Variants in DMD observed in about 807,000 individuals in gnomAD.
DMD encodes mutant dystrophin.
In DMD, 63 loss-of-function variants were observed where a neutral mutation model predicts 330.1. The observed-to-expected ratio is 0.19, with a 90% CI of 0.16 to 0.24. DMD has a LOEUF of 0.24. Among genes scored for constraint, DMD ranks in the 10% least tolerant of loss-of-function variants. The probability of loss-of-function intolerance (pLI) is 1.00; values close to 1 mark genes in which losing one functional copy is unlikely to be tolerated. For missense variants in DMD, 3,344 were observed against 2,684.1 expected, an observed-to-expected ratio of 1.25 and a Z score of -5.43; for synonymous variants, 1,223 against 959.8, an observed-to-expected ratio of 1.27 and a Z score of -5.07.
chrX:31,526,537 A>T (rs2073250334), intron 55 of DMD, among the ~76,000 whole-genome samples: 1 of 111,900 alleles, frequency 8.9e-6, no homozygotes, highest in African/African-American at 3.3e-5. Context: ...TGATAGCATG[A>T]CTTTGGGTTA....
chrX:32,976,694 T>A (rs5928128), intron 2 of DMD, among the ~76,000 whole-genome samples: 38,609 of 110,394 alleles, frequency 0.35, 4,931 homozygotes, highest in Non-Finnish European at 0.39. Flanking sequence ...AGCTGTCTAC[T>A]TCTGTGGTTT....
intron 1 of DMD, among the ~76,000 whole-genome samples, chrX:33,161,258 G>A (rs1010410299): frequency 2.7e-5 from 3 of 111,400 alleles, no homozygotes; most frequent in Admixed American, 9.6e-5. Flanking sequence ...ACAAATGGCG[G>A]CTGCTCTTTG....
At chrX:32,514,895 G>T (rs1399678470) in intron 18 of DMD, among the ~76,000 whole-genome samples, 1 of 112,139 alleles carries the variant, frequency 8.9e-6, no homozygotes, top group Non-Finnish European at 1.9e-5. Context: ...AAATAACTAA[G>T]AATGAAAGAA....
intron 43 of DMD, among the ~76,000 whole-genome samples, chrX:32,273,458 T>A (rs1357653969): frequency 9.2e-6 from 1 of 108,158 alleles, no homozygotes; most frequent in Non-Finnish European, 1.9e-5. Context: ...ACGCTCTTTT[T>A]AAATATACAT....
intron 44 of DMD, among the ~76,000 whole-genome samples, chrX:31,994,958 A>G (rs2095574794): frequency 8.9e-6 from 1 of 112,022 alleles, no homozygotes; most frequent in Non-Finnish European, 1.9e-5. Context: ...TGAAGAATTC[A>G]AAGGGGTCAT....
intron 19 of DMD, among the ~76,000 whole-genome samples, chrX:32,493,317 G>A (rs766822725): frequency 2.7e-4 from 30 of 111,860 alleles, no homozygotes; most frequent in African/African-American, 9.7e-4. Flanking sequence ...CAGGATGGCG[G>A]TGAAGGAGAC....
intron 41 of DMD, among the ~76,000 whole-genome samples, chrX:32,335,998 A>ATGTG (rs1426421659): frequency 5.3e-5 from 2 of 37,843 alleles, no homozygotes; most frequent in Non-Finnish European, 1.2e-4. Context: ...TAACGTGTAT[A>ATGTG]TATAACGTTA....
At chrX:32,032,843 G>A (rs2095896373) in intron 44 of DMD, among the ~76,000 whole-genome samples, 1 of 111,758 alleles carries the variant, frequency 8.9e-6, no homozygotes. Flanking sequence ...TTTGCATGAG[G>A]TGAGTGGGAA....
At chrX:33,209,568 G>A (rs771398191) in intron 1 of DMD, among the ~76,000 whole-genome samples, 42 of 111,274 alleles carry the variant, frequency 3.8e-4, no homozygotes, top group Non-Finnish European at 7.2e-4. Context: ...ATCAAACTAC[G>A]GCAAATTTAC....
In DMD at chrX:31,483,540, G is replaced by A. The variant is rs181776475; in HGVS notation, c.8548-4437C>T. On this transcript the variant is annotated intron_variant, in intron 57 of 78. Transcript: ENST00000357033. ...TTGCCAAGGACTTAGATCCACCACA[G>A]CTGCACAGTTCATTTCTTAAATATG... 9.8e-5 allele frequency among the ~76,000 whole-genome samples: 11 copies of A among 112,245 alleles called. No individual in the cohort carries two copies. The East Asian group carries it at 2.8e-3, about 29-fold the overall frequency.
chrX:33,294,000 T>C (rs953108376), intron 1 of DMD, among the ~76,000 whole-genome samples: 1 of 111,217 alleles, frequency 9.0e-6, no homozygotes, highest in Non-Finnish European at 1.9e-5. Flanking sequence ...CCAGACGTGG[T>C]GATAAGCCAC....
At chrX:31,915,492 G>A (rs7879040) in intron 47 of DMD, among the ~76,000 whole-genome samples, 33,488 of 110,507 alleles carry the variant, frequency 0.3, 5,065 homozygotes, top group African/African-American at 0.59. Context: ...CAATGAGAAC[G>A]GCTGCATTTG....
intron 43 of DMD, among the ~76,000 whole-genome samples, chrX:32,258,896 A>G (rs1228898827): frequency 2.7e-5 from 3 of 111,649 alleles, no homozygotes; most frequent in Non-Finnish European, 5.6e-5. Context: ...GCACAACTTA[A>G]ATAGAAAAAT....
At chrX:32,371,833 G>C (rs912739754) in intron 34 of DMD, among the ~76,000 whole-genome samples, 11 of 111,554 alleles carry the variant, frequency 9.9e-5, no homozygotes, top group Non-Finnish European at 1.9e-4. Flanking sequence ...AGTGGGGACA[G>C]ACTACAGACT....
chrX:33,036,726 A>G (rs1462807163), intron 1 of DMD, among the ~76,000 whole-genome samples: 1 of 111,553 alleles, frequency 9.0e-6, no homozygotes, highest in Admixed American at 9.6e-5. Context: ...GAATACATTA[A>G]ATAGAAATGT....
At chrX:33,113,293 G>A (rs1603299048) in intron 1 of DMD, among the ~76,000 whole-genome samples, 1 of 110,489 alleles carries the variant, frequency 9.1e-6, no homozygotes. Flanking sequence ...CTGACCTCAG[G>A]TGATCCGCAC....
At chrX:32,211,589 A>G (rs777958178) in intron 44 of DMD, among the ~76,000 whole-genome samples, 1 of 112,062 alleles carries the variant, frequency 8.9e-6, no homozygotes, top group African/African-American at 3.2e-5. Context: ...TTCATGTCAG[A>G]ATAACACACT....
intron 1 of DMD, among the ~76,000 whole-genome samples, chrX:33,137,909 A>G (rs1312434555): frequency 8.9e-6 from 1 of 112,101 alleles, no homozygotes; most frequent in Non-Finnish European, 1.9e-5. Flanking sequence ...AAAGTTTATT[A>G]ACAAAACATC....
At chrX:32,683,942 C>T (rs1348624291) in intron 9 of DMD, among the ~76,000 whole-genome samples, 1 of 106,736 alleles carries the variant, frequency 9.4e-6, no homozygotes, top group Non-Finnish European at 1.9e-5. Flanking sequence ...GTTAAATTTC[C>T]AATGAAAAAA....
Sources: gnomAD v4.1 joint callset for allele counts (sites outside exome capture counted in the v4.1 genomes callset) on GRCh38, gnomAD v4.1.1 for gene constraint, MANE v1.5 for transcripts, NCBI Gene and HGNC (gene_info 2026-07-23, HGNC 2026-07-21) for gene names.